The following SHBG variants were observed in gnomAD, a reference collection of about 807,000 sequenced individuals.
The protein encoded by SHBG is sex hormone binding globulin.
SHBG carries 37 observed loss-of-function variants against 41.9 expected under a neutral mutation model. The observed-to-expected ratio is 0.88, with a 90% CI of 0.68 to 1.16. The LOEUF (loss-of-function observed/expected upper bound fraction) is 1.16, where lower values mean the gene tolerates loss of function less well. SHBG is among the 50% of genes most tolerant of loss of function. The pLI is 0.00. For synonymous variants in SHBG, 217 were observed against 205.8 expected (o/e 1.05, Z -0.47); for missense variants, 466 against 499.9 (o/e 0.93, Z 0.65).
chr17:7,626,705 A>G (rs757084970), upstream of SHBG: 1 of 1,612,910 alleles, frequency 6.2e-7, no homozygotes. Context: ...CCCTCCATAT[A>G]CCCTTGCTTC....
intron 1 of SHBG, among the ~76,000 whole-genome samples, chr17:7,620,686 A>G (rs905501851): frequency 1.3e-5 from 2 of 151,370 alleles, no homozygotes; most frequent in Admixed American, 6.6e-5. Flanking sequence ...GCTGGAGTGC[A>G]ATGGTGCAAT....
At chr17:7,618,046 C>T (rs936488097) in intron 1 of SHBG, among the ~76,000 whole-genome samples, 5 of 151,982 alleles carry the variant, frequency 3.3e-5, no homozygotes, top group Non-Finnish European at 7.4e-5. Context: ...TGGTGAAACC[C>T]CATCTCTACT....
chr17:7,618,470 G>GT (rs1028918576), intron 1 of SHBG, among the ~76,000 whole-genome samples: 4 of 101,332 alleles, frequency 3.9e-5, no homozygotes, highest in Non-Finnish European at 8.4e-5. Flanking sequence ...TTTTGTTTTT[G>GT]TTTTTTTTGT....
At chr17:7,614,215 G>C in intron 1 of SHBG, 1 of 683,258 alleles carries the variant, frequency 1.5e-6, no homozygotes, top group Non-Finnish European at 2.7e-6. Context: ...ATGGCCTGAA[G>C]TTCATTCTCC....
upstream of SHBG, among the ~76,000 whole-genome samples, chr17:7,623,690 A>G (rs961612731): frequency 4.0e-5 from 6 of 150,948 alleles, no homozygotes; most frequent in Non-Finnish European, 7.4e-5. Flanking sequence ...GAACTCTTGG[A>G]CTCTATTGAT....
chr17:7,633,168 A>G, intron 7 of SHBG, 36 bp from the exon 8 acceptor site: 1 of 1,613,230 alleles, frequency 6.2e-7, no homozygotes, highest in South Asian at 1.1e-5. Context: ...AGCCACCTTA[A>G]TGCTCTAATG....
intron 1 of SHBG, among the ~76,000 whole-genome samples, chr17:7,622,253 C>A (rs1337572717): frequency 2.6e-5 from 4 of 151,656 alleles, no homozygotes; most frequent in Non-Finnish European, 5.9e-5. Context: ...TCCAATCAGC[C>A]CCAACACCTA....
intron 1 of SHBG, among the ~76,000 whole-genome samples, chr17:7,615,963 G>A (rs2071977501): frequency 6.6e-6 from 1 of 151,826 alleles, no homozygotes. Context: ...GAGCCCAAAA[G>A]TTTGACACCA....
chr17:7,631,972 C>T lies in SHBG; in HGVS notation c.809C>T (p.Thr270Ile), dbSNP rs1237927868. The stretch of plus-strand genomic sequence containing the variant: ...TCAGGCCACCTCCTTGCTCTTGGGA[C>T]ACCAGAGAACCCATCTTGGCTCAGT... ...AGSGHLLALG[T>I]PENPSWLSLH... The change falls in exon 6 of 8, where the codon ACA becomes ATA. Residue 270 changes from threonine to isoleucine, a missense_variant. Physicochemically the swap from Thr to Ile is moderately conservative, Grantham distance 89. Transcript: ENST00000380450. 6 of 1,614,058 alleles carry T rather than the reference C, an allele frequency of 3.7e-6. No homozygotes were observed. Among genetic ancestry groups the T allele is most frequent in the Non-Finnish European group, 4.2e-6 (5 of 1,180,014 alleles).
intron 1 of SHBG, among the ~76,000 whole-genome samples, chr17:7,620,635 T>G (rs143940852): frequency 1.1e-4 from 17 of 151,824 alleles, no homozygotes; most frequent in Admixed American, 3.9e-4. Context: ...AATTTTTTTT[T>G]TTGTTTTTTT....
upstream of SHBG, among the ~76,000 whole-genome samples, chr17:7,629,657 C>T (rs1050798451): frequency 2.0e-5 from 3 of 152,094 alleles, no homozygotes; most frequent in African/African-American, 7.2e-5. Flanking sequence ...TCACAGTCAC[C>T]CCGTAAAGTA....
chr17:7,615,748 A>G (rs1318641661), intron 1 of SHBG, among the ~76,000 whole-genome samples: 1 of 144,674 alleles, frequency 6.9e-6, no homozygotes, highest in Non-Finnish European at 1.5e-5. Flanking sequence ...GCAGGAGACT[A>G]CCTTGAACCT....
At position 7,630,309 on chromosome 17, in the gene SHBG, G is replaced by C. The variant is rs749624960; in HGVS notation, c.111+26G>C. On this transcript the variant is annotated intron_variant, in intron 1 of 7. Coordinates refer to ENST00000380450, the MANE Select transcript of SHBG (RefSeq NM_001040.5). This position sits in a 1 kb window ranked among gnomAD's most constrained non-coding sequence, Gnocchi z 4.6. ...GTGCAGGAGCGGGACAGGGCACTCA[G>C]CTCATGCAGTCTTCCCTTCTCTCCT... 6.9e-6 allele frequency: 11 copies of C among 1,602,142 alleles called. No individual in the cohort carries two copies.
chr17:7,625,747 C>T (rs545634364), upstream of SHBG, among the ~76,000 whole-genome samples: 14 of 151,390 alleles, frequency 9.2e-5, 1 homozygote, highest in East Asian at 1.9e-4. Context: ...GAAAATTAGC[C>T]GCATGTGGTA....
Position 7,631,189 on chromosome 17 carries a change from C to T in SHBG, c.394-11C>T, listed in dbSNP as rs2072397010. On this transcript the variant is annotated splice_polypyrimidine_tract_variant and intron_variant, in intron 3 of 7. Transcript: ENST00000380450. The stretch of plus-strand genomic sequence containing the variant: ...CAGGGGCCTCTGATTTTGCTTCCCA[C>T]CTTCCTGCAGGTGGAAGTCAAGATG... 1 of 1,539,802 alleles carries T rather than the reference C, an allele frequency of 6.5e-7. No individual in the cohort carries two copies. Among genetic ancestry groups the T allele is most frequent in the South Asian group, 1.2e-5 (1 of 82,678 alleles).
chr17:7,620,050 C>T (rs1187410826), intron 1 of SHBG, among the ~76,000 whole-genome samples: 2 of 149,654 alleles, frequency 1.3e-5, no homozygotes, highest in East Asian at 2.0e-4. Context: ...ATGATCGTGC[C>T]ACTGTACTCC....
At chr17:7,627,764 C>G (rs1240781960), upstream of SHBG, 3 of 948,114 alleles carry the variant, frequency 3.2e-6, no homozygotes, top group African/African-American at 1.7e-5. This position sits in a 1 kb window ranked among gnomAD's most constrained non-coding sequence, Gnocchi z 4.8. Flanking sequence ...GGGGGGACGG[C>G]GGGGTAGCCG....
At chr17:7,628,029 G>A, upstream of SHBG, 1 of 472,824 alleles carries the variant, frequency 2.1e-6, no homozygotes, top group Non-Finnish European at 4.2e-6. Flanking sequence ...GCGGTTGTGT[G>A]GGTGTCCCAA....
At chr17:7,632,636 T>C in intron 6 of SHBG, 116 bp from the exon 7 acceptor site, 1 of 810,624 alleles carries the variant, frequency 1.2e-6, no homozygotes, top group South Asian at 1.4e-5. Context: ...GAATGGCCAG[T>C]AGGTGGAGGC....
Sources: allele counts gnomAD v4.1 joint callset (sites outside exome capture counted in the v4.1 genomes callset), GRCh38; gene constraint gnomAD v4.1.1; non-coding constraint Gnocchi (gnomAD v3.1); transcripts MANE v1.5; gene names NCBI Gene and HGNC (gene_info 2026-07-23, HGNC 2026-07-21).